NTRK3: variants seen among roughly 807,000 people sequenced by gnomAD.
The protein encoded by NTRK3 is NT-3 growth factor receptor.
Under a neutral mutation model 91.7 loss-of-function variants are expected in NTRK3, and 24 were observed. The ratio of observed to expected loss-of-function variants is 0.26; its 90% CI spans 0.19 to 0.37. The LOEUF (loss-of-function observed/expected upper bound fraction) is 0.37. NTRK3 is among the 10% of genes least tolerant of loss of function. NTRK3 has a pLI of 1.00. For synonymous variants in NTRK3, 483 were observed against 404.0 expected (o/e 1.20, Z -2.34); for missense variants, 880 against 1,068.9 (o/e 0.82, Z 2.46).
At chr15:88,179,846 G>A (rs1414260022) in intron 5 of NTRK3, among the ~76,000 whole-genome samples, 1 of 151,906 alleles carries the variant, frequency 6.6e-6, no homozygotes, top group Non-Finnish European at 1.5e-5. Context: ...GGGGATAAAA[G>A]AGGAGAATAG....
At chr15:87,903,971 G>C (rs1306034723) in intron 17 of NTRK3, among the ~76,000 whole-genome samples, 2 of 152,164 alleles carry the variant, frequency 1.3e-5, no homozygotes, top group Non-Finnish European at 2.9e-5. Context: ...CATGCCAAGA[G>C]GGGTGAACAA....
rs573514720 is a variant in NTRK3, at chr15:88,025,884, G to A, written c.1585+6973C>T. ...AAATAAATGAGAATCGCTTGAACCC[G>A]AGAGGTGGAGGCTGCAGTGAGCTGG... On this transcript the variant is annotated intron_variant, in intron 14 of 18. Transcript: ENST00000394480. Among the ~76,000 whole-genome samples, 9 of 152,304 alleles carry A rather than the reference G, an allele frequency of 5.9e-5. No individual in the cohort carries two copies. In the South Asian group the frequency reaches 1.5e-3, roughly 25 times the overall value.
chr15:87,876,734 T>C (rs1199132829), exon 19 of NTRK3: 1 of 390,452 alleles, frequency 2.6e-6, no homozygotes, highest in Non-Finnish European at 4.8e-6. Flanking sequence ...TATATATATA[T>C]ATATTTGCCA....
rs558123474 is a variant in NTRK3 at position 87,962,950 on chromosome 15, A to C, written c.1586-22197T>G. Among the ~76,000 whole-genome samples the C allele has an allele frequency of 4.3e-4, 66 of 152,370 alleles. 1 individual carries two copies. Among genetic ancestry groups the C allele is most frequent in the African/African-American group, 1.5e-3 (64 of 41,594 alleles). ...CCTAAAATGTGGCAAGGCTCTGGCC[A>C]GAAGAGCCCTTTGGGGAACAACATT... On this transcript the variant is annotated intron_variant, in intron 14 of 18. Transcript: ENST00000394480.
At chr15:87,990,975 A>T (rs2075241756) in intron 14 of NTRK3, among the ~76,000 whole-genome samples, 1 of 152,140 alleles carries the variant, frequency 6.6e-6, no homozygotes, top group Non-Finnish European at 1.5e-5. Flanking sequence ...TTACATTCCC[A>T]TAATCCAAGT....
chr15:88,049,507 A>G (rs1231051505), intron 13 of NTRK3, among the ~76,000 whole-genome samples: 1 of 152,360 alleles, frequency 6.6e-6, no homozygotes, highest in East Asian at 1.9e-4. Flanking sequence ...GCTAATATTA[A>G]TTAGCTGATC....
At chr15:87,952,340 C>T (rs955749087) in intron 14 of NTRK3, among the ~76,000 whole-genome samples, 1 of 152,198 alleles carries the variant, frequency 6.6e-6, no homozygotes, top group Non-Finnish European at 1.5e-5. Flanking sequence ...CCAGTCTAGT[C>T]GTGAGCTCCT....
chr15:88,140,063 AG>A (rs1233007278), intron 6 of NTRK3, among the ~76,000 whole-genome samples: 1 of 152,218 alleles, frequency 6.6e-6, no homozygotes, highest in Non-Finnish European at 1.5e-5. Flanking sequence ...CAAAGCTGGA[AG>A]GGCGAGTGGA....
exon 19 of NTRK3, chr15:87,872,566 C>G: frequency 4.3e-6 from 1 of 230,642 alleles, no homozygotes; most frequent in Non-Finnish European, 8.6e-6. Context: ...TGGTTTTGAA[C>G]AGGGAAGGTT....
intron 14 of NTRK3, chr15:87,981,338 A>G (rs1567181026): frequency 6.2e-7 from 1 of 1,611,964 alleles, no homozygotes; most frequent in Admixed American, 1.7e-5. Context: ...ATATCCCATG[A>G]TTGTCTATGT....
intron 14 of NTRK3, among the ~76,000 whole-genome samples, chr15:87,995,750 T>C (rs996581721): frequency 2.0e-5 from 3 of 152,138 alleles, no homozygotes; most frequent in South Asian, 2.1e-4. Flanking sequence ...GTAAATATTA[T>C]AGGCTTTTCA....
At chr15:88,115,360 C>T (rs1013526153) in intron 13 of NTRK3, among the ~76,000 whole-genome samples, 1 of 152,222 alleles carries the variant, frequency 6.6e-6, no homozygotes, top group Non-Finnish European at 1.5e-5. Flanking sequence ...ATCCTGCCTG[C>T]TTCCCCTAGA....
chr15:87,984,511 CGAGGT>C (rs2074568089), intron 14 of NTRK3, among the ~76,000 whole-genome samples: 1 of 152,178 alleles, frequency 6.6e-6, no homozygotes. Flanking sequence ...CGGCACTGGC[CGAGGT>C]GAGTGAGCCC....
intron 13 of NTRK3, among the ~76,000 whole-genome samples, chr15:88,073,214 T>A (rs982833224): frequency 6.6e-6 from 1 of 152,192 alleles, no homozygotes; most frequent in Non-Finnish European, 1.5e-5. Flanking sequence ...CTCCCACAAT[T>A]GGAAGAGAAA....
intron 13 of NTRK3, among the ~76,000 whole-genome samples, chr15:88,115,047 G>T (rs542775141): frequency 6.6e-6 from 1 of 152,312 alleles, no homozygotes; most frequent in African/African-American, 2.4e-5. Flanking sequence ...TATTACCTTA[G>T]GTTAAATTCT....
intron 13 of NTRK3, among the ~76,000 whole-genome samples, chr15:88,050,252 T>C (rs1431677420): frequency 3.9e-5 from 6 of 152,182 alleles, no homozygotes; most frequent in Non-Finnish European, 8.8e-5. Flanking sequence ...AGGGGAAAAC[T>C]AGACTTTTAC....
chr15:87,883,112 C>T (rs2065341241), intron 17 of NTRK3, among the ~76,000 whole-genome samples: 1 of 101,680 alleles, frequency 9.8e-6, no homozygotes, highest in Admixed American at 1.0e-4. Flanking sequence ...TGTGCATATA[C>T]ATGTATATAT....
At chr15:88,134,899 C>T (rs923135683) in intron 10 of NTRK3, among the ~76,000 whole-genome samples, 10 of 152,176 alleles carry the variant, frequency 6.6e-5, no homozygotes, top group African/African-American at 2.4e-4. Context: ...TCTTGGTTAC[C>T]ATGACTGCTA....
rs2052188760 is a variant in NTRK3 at position 88,240,095 on chromosome 15, C to T, written c.248+15811G>A. Among the ~76,000 whole-genome samples, 1 of 152,178 alleles carries T rather than the reference C, an allele frequency of 6.6e-6. No homozygotes were observed. Among genetic ancestry groups the T allele is most frequent in the South Asian group, 2.1e-4 (1 of 4,800 alleles). ...ACACAGGAACAAGGTTCCCACGCAC[C>T]TGTGTGCAGGAGCACAGCCCCCCTC... is the stretch of plus-strand genomic sequence containing the variant. On this transcript the variant is annotated intron_variant, in intron 3 of 18. Transcript: ENST00000394480. This position sits in a 1 kb window ranked among gnomAD's most constrained non-coding sequence, Gnocchi z 4.9.
Sources: allele counts gnomAD v4.1 joint callset (sites outside exome capture counted in the v4.1 genomes callset), GRCh38; gene constraint gnomAD v4.1.1; non-coding constraint Gnocchi (gnomAD v3.1); transcripts MANE v1.5; gene names NCBI Gene and HGNC (gene_info 2026-07-23, HGNC 2026-07-21).